The following ENOSF1 variants were observed in gnomAD, a reference collection of about 807,000 sequenced individuals.
ENOSF1 encodes mitochondrial enolase superfamily member 1.
ENOSF1 carries 73 observed loss-of-function variants against 68.2 expected under a neutral mutation model. The observed-to-expected ratio is 1.07, with a 90% CI of 0.89 to 1.30. The LOEUF (loss-of-function observed/expected upper bound fraction) is 1.30. Ranked by LOEUF, ENOSF1 falls within the 50% of genes most tolerant of loss-of-function variation. The pLI is 0.00. For synonymous variants in ENOSF1, 223 were observed against 210.4 expected, an observed-to-expected ratio of 1.06 and a Z score of -0.52; for missense variants, 589 against 554.5, an observed-to-expected ratio of 1.06 and a Z score of -0.62.
At chr18:665,304 G>C in the ENOSF1 span, among the ~76,000 whole-genome samples, 1 of 142,494 alleles carries the variant, frequency 7.0e-6, no homozygotes, top group East Asian at 2.2e-4. Context: ...GTTTATTTGC[G>C]TAGAGGTGTT....
At position 694,416 on chromosome 18, in the gene ENOSF1, GGACT is replaced by G. The variant is rs1273576531; in HGVS notation, c.310-86_310-83del. On this transcript the variant is annotated intron_variant, in intron 3 of 15. Coordinates refer to ENST00000647584, the MANE Select transcript of ENOSF1 (RefSeq NM_017512.7). ...GTGATGGCTCATGCCTGTAAACCCA[GGACT>G]TTGGGACCAAGACCAGCCTGGCCAA... 6 of 1,301,760 alleles carry G rather than the reference GGACT, an allele frequency of 4.6e-6. No individual in the cohort carries two copies. In the East Asian group the frequency reaches 1.5e-4, roughly 32 times the overall value. 80.6% of individuals were successfully genotyped at this position (1,301,760 alleles called of 1,614,324 possible). A position where few individuals can be genotyped will look rare whatever the true frequency, so the allele number is the denominator to read the frequency against.
At chr18:681,854 T>C (rs912639148) in intron 11 of ENOSF1, among the ~76,000 whole-genome samples, 1 of 152,228 alleles carries the variant, frequency 6.6e-6, no homozygotes, top group African/African-American at 2.4e-5. Flanking sequence ...AGGGCATTTC[T>C]GAAACCCAGG....
At position 712,615 on chromosome 18, in the gene ENOSF1, C is replaced by G. The variant is rs1404460148; in HGVS notation, c.-28G>C. 15 of 1,529,238 alleles carry G rather than the reference C, an allele frequency of 9.8e-6. No homozygotes were observed. Among genetic ancestry groups the G allele is most frequent in the Non-Finnish European group, 1.2e-5 (14 of 1,142,976 alleles). 94.7% of individuals were successfully genotyped at this position (1,529,238 alleles called of 1,614,324 possible). On this transcript the variant is annotated 5_prime_UTR_variant, in exon 1 of 16. Coordinates refer to ENST00000647584, the MANE Select transcript of ENOSF1 (RefSeq NM_017512.7). ...CCCCTGCGCCCCGTGGCCGCGGCCC[C>G]CGTGCGGTCAGGACTGGTCGGGATC...
At chr18:694,067 T>G (rs1257956997) in intron 4 of ENOSF1, among the ~76,000 whole-genome samples, 159 bp from the exon 5 acceptor site, 1 of 152,174 alleles carries the variant, frequency 6.6e-6, no homozygotes, top group Non-Finnish European at 1.5e-5. Context: ...TGTCTCCTCT[T>G]TCTCCTCCTC....
intron 2 of ENOSF1, among the ~76,000 whole-genome samples, chr18:705,828 G>A (rs1284433999): frequency 1.3e-5 from 2 of 152,000 alleles, no homozygotes; most frequent in African/African-American, 4.8e-5. Flanking sequence ...GGTCAACATG[G>A]TGAAACCCTG....
chr18:697,143 T>TAAAC, intron 3 of ENOSF1, 97 bp downstream of exon 3: 1 of 865,134 alleles, frequency 1.2e-6, no homozygotes, highest in East Asian at 2.5e-5. Flanking sequence ...AACAAATAAA[T>TAAAC]AAACCCATCT....
At chr18:695,828 T>A (rs1335332538) in intron 3 of ENOSF1, among the ~76,000 whole-genome samples, 1 of 152,228 alleles carries the variant, frequency 6.6e-6, no homozygotes, top group East Asian at 1.9e-4. Context: ...GATGTTCAAA[T>A]TGTCCCAGAT....
In ENOSF1 at chr18:671,119, T is replaced by G. The variant is rs2075024273; in HGVS notation, c.*3186A>C. The G allele has an allele frequency of 3.4e-5, 21 of 619,080 alleles. No homozygotes were observed. The South Asian group carries it at 4.0e-4, about 12-fold the overall frequency. The allele number at this position is 619,080 out of a possible 1,614,324, so 38.3% of individuals were successfully genotyped here. A position where few individuals can be genotyped will look rare whatever the true frequency, so the allele number is the denominator to read the frequency against. ...CTTCTATGGATTTTCTCAAAAGCTA[T>G]GCTGAGGTTGGGTATGGTGGCTCAT... is the stretch of plus-strand genomic sequence containing the variant. On this transcript the variant is annotated 3_prime_UTR_variant, in exon 16 of 16. Coordinates refer to ENST00000647584, the MANE Select transcript of ENOSF1 (RefSeq NM_017512.7).
Position 670,828 on chromosome 18 carries a change from C to A in ENOSF1, c.*3477G>T, listed in dbSNP as rs1346141792. On this transcript the variant is annotated 3_prime_UTR_variant, in exon 16 of 16. Transcript: ENST00000647584. The stretch of plus-strand genomic sequence containing the variant: ...TGCCTTTCAACATCGCCAGCTACGC[C>A]CTGCTCACGTACATGATTGCGCACA... 1.9e-6 allele frequency: 3 copies of A among 1,613,906 alleles called. No individual in the cohort carries two copies. The highest frequency in any genetic ancestry group is 1.3e-5 in the African/African-American group (1 of 74,866).
In ENOSF1 at chr18:694,296, C is replaced by T. The variant is rs779968077; in HGVS notation, c.348G>A (p.Ala116=). The change falls in exon 4 of 16, where the codon GCG becomes GCA. Residue 116 remains alanine, a synonymous_variant. Transcript: ENST00000647584. Reference sequence around the variant, plus strand: ...AGTCCCACACCGCGTTTAGGACGGCCGCTGTCGCCAGGTGCACCACGCCCT... The same window carrying T: ...AGTCCCACACCGCGTTTAGGACGGCTGCTGTCGCCAGGTGCACCACGCCCT... ...PEKGVVHLAT[A]AVLNAVWDLW... 23 of 1,614,020 alleles carry T rather than the reference C, an allele frequency of 1.4e-5. No individual in the cohort carries two copies. In the East Asian group the frequency reaches 1.6e-4, roughly 11 times the overall value.
chr18:709,360 G>C (rs891234760), intron 1 of ENOSF1, among the ~76,000 whole-genome samples: 1 of 152,142 alleles, frequency 6.6e-6, no homozygotes, highest in African/African-American at 2.4e-5. Context: ...CGAGGGGAGA[G>C]AGCACACGAA....
At chr18:700,916 A>AACG (rs1491182953) in intron 2 of ENOSF1, among the ~76,000 whole-genome samples, 51 of 138,210 alleles carry the variant, frequency 3.7e-4, no homozygotes, top group Non-Finnish European at 7.0e-4. Context: ...AAAAAAAAAC[A>AACG]AGAGAAATTT....
At chr18:688,489 C>G in intron 9 of ENOSF1, 85 bp downstream of exon 9, 1 of 1,597,892 alleles carries the variant, frequency 6.3e-7, no homozygotes, top group Non-Finnish European at 8.6e-7. Context: ...GTGCCTTTTA[C>G]TCCTTGGCTC....
At chr18:691,959 T>C (rs1209319421) in intron 5 of ENOSF1, 2 of 152,398 alleles carry the variant, frequency 1.3e-5, no homozygotes, top group Non-Finnish European at 2.9e-5. Flanking sequence ...CGGTGAGCTA[T>C]GAGGCTGGAG....
At position 673,706 on chromosome 18, in the gene ENOSF1, T is replaced by C. The variant is rs2075188146; in HGVS notation, c.*599A>G. 7.3e-6 allele frequency: 1 copy of C among 137,402 alleles called. No homozygotes were observed. The highest frequency in any genetic ancestry group is 1.5e-5 in the Non-Finnish European group (1 of 68,658). The allele number at this position is 137,402 out of a possible 1,614,324, so 8.5% of individuals were successfully genotyped here. ...CTCAAAATATAATGACCATTTAGGA[T>C]AGAGTTTTTTTTTTTTTTTTTTAAA... is the stretch of plus-strand genomic sequence containing the variant. On this transcript the variant is annotated 3_prime_UTR_variant, in exon 16 of 16. Transcript: ENST00000647584.
Position 670,597 on chromosome 18 carries a change from T to G in ENOSF1, c.*3708A>C. 3.6e-5 allele frequency: 49 copies of G among 1,357,348 alleles called. No homozygotes were observed. Among genetic ancestry groups the G allele is most frequent in the East Asian group, 9.2e-5 (4 of 43,334 alleles). 84.1% of individuals were successfully genotyped at this position (1,357,348 alleles called of 1,614,324 possible). A position where few individuals can be genotyped will look rare whatever the true frequency, so the allele number is the denominator to read the frequency against. ...GCTCTCTCTCCTGGTCTCCACCATA[T>G]GAGTTGGCTTCTGTTTCTCTCCTGT... On this transcript the variant is annotated 3_prime_UTR_variant, in exon 16 of 16. Transcript: ENST00000647584.
intron 5 of ENOSF1, chr18:692,912 T>A (rs2077348272): frequency 8.5e-7 from 1 of 1,170,780 alleles, no homozygotes. Context: ...CCAACACTCT[T>A]CAAGGCCATG....
intron 11 of ENOSF1, among the ~76,000 whole-genome samples, chr18:680,594 C>T (rs1486919898): frequency 6.6e-6 from 1 of 152,086 alleles, no homozygotes; most frequent in Non-Finnish European, 1.5e-5. Flanking sequence ...TTCCTCACCT[C>T]CCACACACCC....
At chr18:693,797 A>G (rs934889955) in intron 5 of ENOSF1, 85 bp downstream of exon 5, 22 of 1,596,460 alleles carry the variant, frequency 1.4e-5, no homozygotes, top group African/African-American at 1.3e-4. Flanking sequence ...AGTCCTGAAT[A>G]TATTTACTGA....
Sources: allele counts gnomAD v4.1 joint callset (sites outside exome capture counted in the v4.1 genomes callset), GRCh38; gene constraint gnomAD v4.1.1; transcripts MANE v1.5; gene names NCBI Gene and HGNC (gene_info 2026-07-23, HGNC 2026-07-21).